Variants in PTPRD observed in about 807,000 individuals in gnomAD.
PTPRD encodes protein tyrosine phosphatase receptor type D.
PTPRD carries 34 observed loss-of-function variants against 214.5 expected under a neutral mutation model. The observed-to-expected ratio is 0.16, with a 90% confidence interval of 0.12 to 0.21. The LOEUF is 0.21. Among genes scored for constraint, PTPRD ranks in the 10% least tolerant of loss-of-function variants. The pLI is 1.00. For synonymous variants in PTPRD, 1,128 were observed against 845.7 expected, an observed-to-expected ratio of 1.33 and a Z score of -5.79; for missense variants, 2,545 against 2,398.7, an observed-to-expected ratio of 1.06 and a Z score of -1.27.
intron 3 of PTPRD, among the ~76,000 whole-genome samples, chr9:10,323,514 C>T (rs2154429484): frequency 6.6e-6 from 1 of 151,456 alleles, no homozygotes; most frequent in Non-Finnish European, 1.5e-5. Context: ...CTGTGTTTCT[C>T]AGACTGGTCT....
intron 14 of PTPRD, among the ~76,000 whole-genome samples, chr9:8,596,410 T>C (rs1331869978): frequency 6.6e-6 from 1 of 152,032 alleles, no homozygotes; most frequent in Non-Finnish European, 1.5e-5. Flanking sequence ...AGATGCTTAA[T>C]ATACTACATT....
chr9:9,319,159 G>A (rs1965088426), intron 9 of PTPRD, among the ~76,000 whole-genome samples: 1 of 152,166 alleles, frequency 6.6e-6, no homozygotes, highest in African/African-American at 2.4e-5. Context: ...GTGGCACGGG[G>A]TGAATGACTC....
chr9:8,563,974 C>A (rs1026518623), intron 14 of PTPRD, among the ~76,000 whole-genome samples: 6 of 152,120 alleles, frequency 3.9e-5, no homozygotes, highest in African/African-American at 1.4e-4. Flanking sequence ...CCTCGGCATA[C>A]AATTTTCAAA....
At chr9:9,587,735 A>G (rs925633978) in intron 7 of PTPRD, among the ~76,000 whole-genome samples, 1 of 151,930 alleles carries the variant, frequency 6.6e-6, no homozygotes, top group African/African-American at 2.4e-5. Flanking sequence ...GAGGTCATTA[A>G]GTTGAAATAA....
intron 9 of PTPRD, among the ~76,000 whole-genome samples, chr9:9,297,276 T>C (rs1282846340): frequency 1.3e-5 from 2 of 151,684 alleles, no homozygotes; most frequent in African/African-American, 2.4e-5. Flanking sequence ...TAATTGTTTC[T>C]ATTTTTCTGC....
chr9:9,909,896 GT>G (rs1369304864), intron 5 of PTPRD, among the ~76,000 whole-genome samples: 1 of 151,366 alleles, frequency 6.6e-6, no homozygotes, highest in East Asian at 1.9e-4. Flanking sequence ...TTTCTTTATA[GT>G]AAAGTAATAC....
At chr9:9,326,356 A>C (rs190032701) in intron 9 of PTPRD, among the ~76,000 whole-genome samples, 2 of 152,252 alleles carry the variant, frequency 1.3e-5, no homozygotes, top group East Asian at 3.9e-4. Flanking sequence ...TTTTTCAAGA[A>C]GGGTTTGAAT....
At chr9:8,632,962 C>T (rs1034209177) in intron 14 of PTPRD, among the ~76,000 whole-genome samples, 3 of 151,890 alleles carry the variant, frequency 2.0e-5, no homozygotes, top group South Asian at 2.1e-4. Flanking sequence ...TTGTAAAAAA[C>T]GTAGCTGCTG....
At chr9:9,139,465 G>C (rs1319928182) in intron 10 of PTPRD, among the ~76,000 whole-genome samples, 1 of 152,088 alleles carries the variant, frequency 6.6e-6, no homozygotes, top group African/African-American at 2.4e-5. Context: ...CACAGTATGA[G>C]ATTAGCAACA....
At chr9:9,751,653 G>A (rs10977946) in intron 6 of PTPRD, among the ~76,000 whole-genome samples, 7,404 of 151,976 alleles carry the variant, frequency 0.049, 756 homozygotes, top group East Asian at 0.4. Context: ...AGAGACACAC[G>A]GTACAAACAT....
At chr9:10,501,400 T>C (rs2133231487) in intron 2 of PTPRD, among the ~76,000 whole-genome samples, 1 of 152,058 alleles carries the variant, frequency 6.6e-6, no homozygotes, top group African/African-American at 2.4e-5. Context: ...TTCTATAGAG[T>C]CATCTGAGCT....
chr9:10,251,665 GTT>G (rs1265302424), intron 3 of PTPRD, among the ~76,000 whole-genome samples: 6 of 152,158 alleles, frequency 3.9e-5, no homozygotes, highest in Non-Finnish European at 8.8e-5. Context: ...ATTACTACAA[GTT>G]CACTCTGTGA....
chr9:9,333,428 C>T (rs1382221393), intron 9 of PTPRD, among the ~76,000 whole-genome samples: 1 of 148,658 alleles, frequency 6.7e-6, no homozygotes, highest in African/African-American at 2.5e-5. Flanking sequence ...ACATAGAGAG[C>T]ATTGGGCTCT....
chr9:8,580,557 G>T (rs1269510477), intron 14 of PTPRD, among the ~76,000 whole-genome samples: 1 of 152,138 alleles, frequency 6.6e-6, no homozygotes, highest in African/African-American at 2.4e-5. Flanking sequence ...GTGATAGTCT[G>T]AACTATCAGG....
chr9:10,541,744 T>A (rs1199953839), intron 2 of PTPRD, among the ~76,000 whole-genome samples: 7 of 152,020 alleles, frequency 4.6e-5, no homozygotes, highest in Admixed American at 3.9e-4. Context: ...TCTATGGAAA[T>A]TTAACTTCTA....
At chr9:8,725,454 ATCAG>A (rs1424351188) in intron 12 of PTPRD, among the ~76,000 whole-genome samples, 2 of 152,206 alleles carry the variant, frequency 1.3e-5, no homozygotes, top group South Asian at 2.1e-4. Flanking sequence ...GAATGAGCCA[ATCAG>A]TCAATGTCCC....
At chr9:9,437,191 A>G (rs1206117690) in intron 8 of PTPRD, among the ~76,000 whole-genome samples, 1 of 152,222 alleles carries the variant, frequency 6.6e-6, no homozygotes. Flanking sequence ...AAACAACGAA[A>G]TATCAGAGAA....
Position 10,019,282 on chromosome 9 carries a change from G to T in PTPRD, c.-472+14436C>A, listed in dbSNP as rs559075394. 2.8e-3 allele frequency among the ~76,000 whole-genome samples: 425 copies of T among 152,180 alleles called. 2 individuals are homozygous for T. The highest frequency in any genetic ancestry group is 9.6e-3 in the African/African-American group (398 of 41,520). On this transcript the variant is annotated intron_variant, in intron 4 of 45. Coordinates refer to ENST00000381196, the MANE Select transcript of PTPRD (RefSeq NM_002839.4). ...CATTAAAAAGTCAGGAAAAAACAGG[G>T]GCTGGAGAGGATGTGGAGAAATAGG...
chr9:9,025,738 G>C (rs16928761), intron 10 of PTPRD, among the ~76,000 whole-genome samples: 5,322 of 151,820 alleles, frequency 0.035, 97 homozygotes, highest in East Asian at 0.069. Context: ...ATGATCTTGG[G>C]GAAGTCAATC....
Sources: allele counts gnomAD v4.1 joint callset (sites outside exome capture counted in the v4.1 genomes callset), GRCh38; gene constraint gnomAD v4.1.1; transcripts MANE v1.5; gene names NCBI Gene and HGNC (gene_info 2026-07-23, HGNC 2026-07-21).